The following GGT5 variants were observed in gnomAD, a reference collection of about 807,000 sequenced individuals.
GGT5 encodes gamma-glutamyltransferase 5.
A neutral mutation model predicts 58.1 loss-of-function variants in GGT5; 50 were observed. The ratio of observed to expected loss-of-function variants is 0.86; its 90% CI spans 0.69 to 1.09. The LOEUF is 1.09. GGT5 is among the 50% of genes least tolerant of loss of function. The probability of loss-of-function intolerance (pLI) is 0.00; values close to 1 mark genes in which losing one functional copy is unlikely to be tolerated. For missense variants in GGT5, 800 were observed against 789.4 expected (o/e 1.01, Z -0.16); for synonymous variants, 370 against 346.1 (o/e 1.07, Z -0.77).
intron 1 of GGT5, among the ~76,000 whole-genome samples, chr22:24,234,487 G>A (rs1378197934): frequency 6.6e-6 from 1 of 152,124 alleles, no homozygotes; most frequent in Non-Finnish European, 1.5e-5. Flanking sequence ...TGAGCTGATG[G>A]ACCCCAAAAC....
intron 6 of GGT5, among the ~76,000 whole-genome samples, chr22:24,227,165 G>A (rs1425502069): frequency 1.3e-5 from 2 of 149,608 alleles, no homozygotes; most frequent in Admixed American, 1.3e-4. Flanking sequence ...GTTCAGGCTG[G>A]TATTGAACTC....
chr22:24,222,766 A>G (rs1169660341), intron 11 of GGT5, among the ~76,000 whole-genome samples: 1 of 152,220 alleles, frequency 6.6e-6, no homozygotes, highest in Non-Finnish European at 1.5e-5. Flanking sequence ...TCACAAAGAC[A>G]AAGGTCCTTC....
In GGT5 at chr22:24,232,729, G is replaced by GT. The variant is rs567151345; in HGVS notation, c.596+93dup. 6 of 853,410 alleles carry GT rather than the reference G, an allele frequency of 7.0e-6. No homozygotes were observed. The East Asian group carries it at 1.8e-4, about 26-fold the overall frequency. 52.9% of individuals were successfully genotyped at this position (853,410 alleles called of 1,614,324 possible). A position where few individuals can be genotyped will look rare whatever the true frequency, so the allele number is the denominator to read the frequency against. On this transcript the variant is annotated intron_variant, in intron 4 of 11. Transcript: ENST00000327365. Reference sequence around the variant, plus strand: ...GCACCCCGAGGGTCAATCCTCCAGTGTAAGAGGGACTGAGGCAGAGCTGGG... The same window carrying GT: ...GCACCCCGAGGGTCAATCCTCCAGTGTTAAGAGGGACTGAGGCAGAGCTGGG...
At chr22:24,225,436 A>T in intron 9 of GGT5, 25 bp from the exon 10 acceptor site, 1 of 1,606,608 alleles carries the variant, frequency 6.2e-7, no homozygotes, top group South Asian at 1.1e-5. Context: ...GCGTCTTGGC[A>T]AGTGCAGTGA....
At chr22:24,231,976 G>A in intron 5 of GGT5, 75 bp downstream of exon 5, 1 of 1,276,034 alleles carries the variant, frequency 7.8e-7, no homozygotes, top group African/African-American at 1.5e-5. Context: ...GAAGGAGCCT[G>A]CCCTCAACCC....
intron 1 of GGT5, among the ~76,000 whole-genome samples, chr22:24,237,007 CT>C (rs35060391): frequency 0.22 from 28,324 of 131,012 alleles, 2,333 homozygotes; most frequent in Admixed American, 0.27. Context: ...TCTTTTCTCT[CT>C]TTTTTTTTTT....
chr22:24,230,952 A>G (rs2047918566), intron 6 of GGT5, among the ~76,000 whole-genome samples: 1 of 152,218 alleles, frequency 6.6e-6, no homozygotes. Context: ...AATGGCAGAC[A>G]CAGGACACTA....
At chr22:24,225,778 T>C in intron 8 of GGT5, 126 bp from the exon 9 acceptor site, 2 of 695,720 alleles carry the variant, frequency 2.9e-6, no homozygotes, top group South Asian at 3.2e-5. Flanking sequence ...AAGCCGCTAT[T>C]CTCTCCCTGG....
chr22:24,226,046 G>A (rs1401711059), intron 8 of GGT5, 30 bp downstream of exon 8: 2 of 1,484,092 alleles, frequency 1.3e-6, no homozygotes, highest in Non-Finnish European at 1.8e-6. Context: ...GAGGAGTGAA[G>A]CCATCCGCCT....
chr22:24,240,929 G>A (rs1234567696), intron 1 of GGT5, among the ~76,000 whole-genome samples: 1 of 152,108 alleles, frequency 6.6e-6, no homozygotes, highest in Non-Finnish European at 1.5e-5. Flanking sequence ...AGGCCAAAGC[G>A]GGCAGATCAC....
intron 6 of GGT5, among the ~76,000 whole-genome samples, chr22:24,229,938 T>C (rs1291048952): frequency 1.4e-5 from 2 of 147,998 alleles, no homozygotes; most frequent in Non-Finnish European, 3.0e-5. Flanking sequence ...ACTAATGAAA[T>C]AAAAATAAAA....
intron 1 of GGT5, among the ~76,000 whole-genome samples, chr22:24,238,814 T>A (rs139283622): frequency 0.58 from 2,325 of 4,008 alleles, 389 homozygotes; most frequent in Middle Eastern, 0.67. Context: ...TATAATATAT[T>A]ATATATATAT....
chr22:24,225,189 G>A, intron 10 of GGT5, 56 bp downstream of exon 10: 1 of 1,593,828 alleles, frequency 6.3e-7, no homozygotes, highest in Non-Finnish European at 8.6e-7. Context: ...TCCAGAGACA[G>A]TCAGACAGTA....
Position 24,225,105 on chromosome 22 carries a change from G to C in GGT5, c.1505C>G (p.Ala502Gly). 1 of 1,600,044 alleles carries C rather than the reference G, an allele frequency of 6.2e-7. No individual in the cohort carries two copies. The highest frequency in any genetic ancestry group is 8.5e-7 in the Non-Finnish European group (1 of 1,172,664). The change falls in exon 11 of 12, where the codon GCC (alanine) becomes GGC (glycine). Residue 502 changes from alanine to glycine, a missense_variant and splice_region_variant. Transcript: ENST00000327365. The part of the protein sequence containing the change: ...GELIISAVAQ[A>G]IMSKLWLGFD... ...GCCAAGCCACAGCTTGCTCATGATGGCCTGGGGGAGAGATGAGGGTTTCAG... is the reference window on the plus strand; with the variant it reads ...GCCAAGCCACAGCTTGCTCATGATGCCCTGGGGGAGAGATGAGGGTTTCAG...
At chr22:24,238,826 TA>T (rs1355575080) in intron 1 of GGT5, among the ~76,000 whole-genome samples, 1 of 11,894 alleles carries the variant, frequency 8.4e-5, no homozygotes, top group Non-Finnish European at 1.2e-4. Flanking sequence ...TATATATATA[TA>T]TATATTTATA....
intron 6 of GGT5, 42 bp downstream of exon 6, chr22:24,231,342 G>T (rs767172565): frequency 2.1e-6 from 3 of 1,425,352 alleles, no homozygotes; most frequent in Admixed American, 2.0e-5. Context: ...CCGGGGGTGC[G>T]GGGGAGGGGG....
In GGT5 at chr22:24,225,554, G is replaced by A. The variant is rs148922656; in HGVS notation, c.1328C>T (p.Pro443Leu). 3.1e-6 allele frequency: 5 copies of A among 1,609,100 alleles called. No individual in the cohort carries two copies. The South Asian group carries it at 4.4e-5, about 14-fold the overall frequency. Reference sequence around the variant, plus strand: ...GGAAGCTTTGTTCTCACCAGGTGAGGGGGTGGTGCCGGAACCCCGGGGGCA... The same window carrying A: ...GGAAGCTTTGTTCTCACCAGGTGAGAGGGTGGTGCCGGAACCCCGGGGGCA... ...ERCPRGSGTT[P>L]SPVSGDRVGG... The change falls in exon 9 of 12, where the codon CCC becomes CTC. Residue 443 changes from proline to leucine, a missense_variant. Pro to Leu is a moderately conservative substitution (Grantham distance 98). Transcript: ENST00000327365.
At chr22:24,222,884 T>C (rs1051765811) in intron 11 of GGT5, among the ~76,000 whole-genome samples, 18 of 150,416 alleles carry the variant, frequency 1.2e-4, no homozygotes, top group Admixed American at 8.0e-4. Flanking sequence ...GAGACCATCC[T>C]GGCTAACACG....
At chr22:24,222,836 G>A (rs1394669057) in intron 11 of GGT5, among the ~76,000 whole-genome samples, 1 of 152,200 alleles carries the variant, frequency 6.6e-6, no homozygotes, top group Non-Finnish European at 1.5e-5. Flanking sequence ...CCAGCACTTT[G>A]GGAGGCCAAG....
Sources: gnomAD v4.1 joint callset for allele counts (sites outside exome capture counted in the v4.1 genomes callset) on GRCh38, gnomAD v4.1.1 for gene constraint, MANE v1.5 for transcripts, NCBI Gene and HGNC (gene_info 2026-07-23, HGNC 2026-07-21) for gene names.